Variants in CDYL observed in about 807,000 individuals in gnomAD.
CDYL encodes the protein chromodomain Y-like protein.
CDYL carries 8 observed loss-of-function variants against 47.3 expected under a neutral mutation model. That is an observed-to-expected ratio of 0.17 (90% CI 0.10 to 0.31). CDYL has a LOEUF of 0.31. Among genes scored for constraint, CDYL ranks in the 10% least tolerant of loss-of-function variants. The pLI is 1.00. For synonymous variants in CDYL, 266 were observed against 265.0 expected, an observed-to-expected ratio of 1.00 and a Z score of -0.04; for missense variants, 471 against 701.4, an observed-to-expected ratio of 0.67 and a Z score of 3.71.
chr6:4,723,973 A>G (rs1757428026), intron 2 of CDYL, among the ~76,000 whole-genome samples: 1 of 152,180 alleles, frequency 6.6e-6, no homozygotes, highest in South Asian at 2.1e-4. Flanking sequence ...AGAGAGATTT[A>G]TGTATCCGTG....
intron 1 of CDYL, among the ~76,000 whole-genome samples, chr6:4,835,875 T>G (rs1325960571): frequency 6.6e-6 from 1 of 152,204 alleles, no homozygotes; most frequent in East Asian, 1.9e-4. Context: ...CGCAGGACCC[T>G]CCGAGCCAGG....
At chr6:4,863,458 T>A (rs972572067) in intron 1 of CDYL, among the ~76,000 whole-genome samples, 4 of 152,190 alleles carry the variant, frequency 2.6e-5, no homozygotes, top group Non-Finnish European at 4.4e-5. Flanking sequence ...TCTTTTGGAA[T>A]TAAAAAAAGG....
Position 4,825,272 on chromosome 6 carries a change from A to G in CDYL, c.24+48465A>G, listed in dbSNP as rs72821448. On this transcript the variant is annotated intron_variant, in intron 1 of 6. Transcript: ENST00000397588. The stretch of plus-strand genomic sequence containing the variant: ...TCTGATTTTTGTGTGTTATCCTGCA[A>G]CTTTGCTGAATTTATTAGCTTTAGT... Among the ~76,000 whole-genome samples, 573 of 152,260 alleles carry G rather than the reference A, an allele frequency of 3.8e-3. 2 individuals carry two copies. Among genetic ancestry groups the G allele is most frequent in the Non-Finnish European group, 6.4e-3 (436 of 68,020 alleles).
Position 4,810,209 on chromosome 6 carries a change from C to T in CDYL, c.24+33402C>T, listed in dbSNP as rs544605789. On this transcript the variant is annotated intron_variant, in intron 1 of 6. Transcript: ENST00000397588. ...TTGTCTAAGTGTGTGATGGGTTACC[C>T]TTTGCCTTTTGTTGTTTGCATTGTA... is the stretch of plus-strand genomic sequence containing the variant. Among the ~76,000 whole-genome samples, 7 of 152,228 alleles carry T rather than the reference C, an allele frequency of 4.6e-5. 1 individual carries two copies. The South Asian group carries it at 1.5e-3, about 32-fold the overall frequency.
chr6:4,933,544 G>A (rs1383202157), intron 2 of CDYL, among the ~76,000 whole-genome samples: 2 of 152,234 alleles, frequency 1.3e-5, no homozygotes, highest in Admixed American at 6.5e-5. Context: ...GGCAGGTGAG[G>A]CCGTGATGGG....
chr6:4,912,118 C>G (rs1395113088), intron 2 of CDYL, among the ~76,000 whole-genome samples: 1 of 152,172 alleles, frequency 6.6e-6, no homozygotes, highest in African/African-American at 2.4e-5. Context: ...GCTAAACAGT[C>G]AAATGAAGGT....
At chr6:4,760,971 C>A (rs1758166105) in intron 3 of CDYL, among the ~76,000 whole-genome samples, 1 of 151,952 alleles carries the variant, frequency 6.6e-6, no homozygotes, top group African/African-American at 2.4e-5. Flanking sequence ...TTAGCATGTT[C>A]TCAATTTGAT....
intron 2 of CDYL, among the ~76,000 whole-genome samples, chr6:4,892,886 G>T (rs979717769): frequency 2.6e-5 from 4 of 152,212 alleles, no homozygotes; most frequent in Non-Finnish European, 2.9e-5. Flanking sequence ...GATCGGCAGT[G>T]CAGGTGCCAT....
intron 6 of CDYL, among the ~76,000 whole-genome samples, chr6:4,953,692 T>G (rs368128959): frequency 6.6e-6 from 1 of 152,110 alleles, no homozygotes; most frequent in Non-Finnish European, 1.5e-5. Context: ...AAATAAGCCG[T>G]TTTGAAGTTA....
chr6:4,796,111 C>G (rs1755516908), intron 1 of CDYL, among the ~76,000 whole-genome samples: 1 of 152,044 alleles, frequency 6.6e-6, no homozygotes, highest in African/African-American at 2.4e-5. Flanking sequence ...AGGCACGCAC[C>G]ACCATGTAAC....
chr6:4,749,333 A>C (rs138533371), intron 3 of CDYL, among the ~76,000 whole-genome samples: 243 of 141,512 alleles, frequency 1.7e-3, no homozygotes, highest in African/African-American at 5.8e-3. Context: ...GGATGGATGG[A>C]TGGATGGCTG....
intron 1 of CDYL, among the ~76,000 whole-genome samples, chr6:4,888,070 T>C (rs956156221): frequency 1.3e-5 from 2 of 152,162 alleles, no homozygotes; most frequent in African/African-American, 4.8e-5. Flanking sequence ...GTCATTTTTG[T>C]ATATTGCGGA....
In CDYL at chr6:4,901,319, C is replaced by T. The variant is rs148773249; in HGVS notation, c.691+8940C>T. ...TGCTACTAGGAATTAAGCCCTGTTA[C>T]AAATCCTCCTTGTCTCCTCTATTCC... On this transcript the variant is annotated intron_variant, in intron 2 of 6. Transcript: ENST00000397588. Among the ~76,000 whole-genome samples, 1,491 of 152,244 alleles carry T rather than the reference C, an allele frequency of 9.8e-3. 7 individuals are homozygous for T. Among genetic ancestry groups the T allele is most frequent in the South Asian group, 0.031 (151 of 4,814 alleles).
At chr6:4,924,014 A>G (rs1266440380) in intron 2 of CDYL, among the ~76,000 whole-genome samples, 1 of 152,090 alleles carries the variant, frequency 6.6e-6, no homozygotes, top group African/African-American at 2.4e-5. Context: ...CCCTGCTGTC[A>G]TGTGGCACAT....
At chr6:4,730,984 C>T (rs950105905) in intron 2 of CDYL, among the ~76,000 whole-genome samples, 7 of 152,136 alleles carry the variant, frequency 4.6e-5, no homozygotes, top group South Asian at 2.1e-4. Flanking sequence ...ATGAGATTAC[C>T]GGTCCACTGT....
chr6:4,869,491 G>A (rs1168879387), intron 1 of CDYL, among the ~76,000 whole-genome samples: 1 of 152,040 alleles, frequency 6.6e-6, no homozygotes, highest in African/African-American at 2.4e-5. Context: ...TCAGTTTGCT[G>A]TTTTTCTGTT....
At chr6:4,756,255 G>C (rs1487950308) in intron 3 of CDYL, among the ~76,000 whole-genome samples, 2 of 152,118 alleles carry the variant, frequency 1.3e-5, no homozygotes, top group Non-Finnish European at 2.9e-5. Flanking sequence ...TCCTTTCCCT[G>C]ACAGTCTAAG....
chr6:4,895,001 G>T (rs1762173916), intron 2 of CDYL, among the ~76,000 whole-genome samples: 2 of 150,890 alleles, frequency 1.3e-5, no homozygotes, highest in African/African-American at 4.9e-5. Flanking sequence ...ATACTTGTGT[G>T]TATGTTTATA....
intron 1 of CDYL, among the ~76,000 whole-genome samples, chr6:4,822,620 A>G (rs1759873181): frequency 6.6e-6 from 1 of 152,156 alleles, no homozygotes; most frequent in African/African-American, 2.4e-5. Flanking sequence ...TCTGGAATCT[A>G]TCTGAATGTG....
Sources: gnomAD v4.1 joint callset for allele counts (sites outside exome capture counted in the v4.1 genomes callset) on GRCh38, gnomAD v4.1.1 for gene constraint, MANE v1.5 for transcripts, NCBI Gene and HGNC (gene_info 2026-07-23, HGNC 2026-07-21) for gene names.